INPP4A: variants seen among roughly 807,000 people sequenced by gnomAD.
The protein encoded by INPP4A is inositol polyphosphate-4-phosphatase, type I, 107kD.
A neutral mutation model predicts 119.8 loss-of-function variants in INPP4A; 33 were observed. That is an observed-to-expected ratio of 0.28 (90% CI 0.21 to 0.37). The LOEUF is 0.37. Ranked by LOEUF, INPP4A falls within the 10% of genes least tolerant of loss-of-function variation. INPP4A has a pLI of 1.00. For missense variants in INPP4A, 956 were observed against 1,289.9 expected (o/e 0.74, Z 3.97); for synonymous variants, 496 against 500.7 (o/e 0.99, Z 0.12).
chr2:98,552,624 C>A, intron 13 of INPP4A, 162 bp from the exon 14 acceptor site: 1 of 747,152 alleles, frequency 1.3e-6, no homozygotes. Context: ...GAAGAATCTC[C>A]TAAGATATAC....
chr2:98,475,020 G>A (rs962421577), intron 1 of INPP4A, among the ~76,000 whole-genome samples: 1 of 152,078 alleles, frequency 6.6e-6, no homozygotes, highest in African/African-American at 2.4e-5. Flanking sequence ...AACAGAAAGG[G>A]CCATGTCACA....
chr2:98,493,264 G>A (rs796475273), intron 1 of INPP4A, among the ~76,000 whole-genome samples: 5 of 152,132 alleles, frequency 3.3e-5, no homozygotes, highest in East Asian at 1.9e-4. Context: ...AGCCCCCTAC[G>A]TGTCCAGGGA....
chr2:98,591,689 G>A lies in INPP4A; in HGVS notation c.*4081G>A, dbSNP rs529765975. 2.0e-5 allele frequency: 3 copies of A among 152,376 alleles called. No individual in the cohort carries two copies. Among genetic ancestry groups the A allele is most frequent in the Non-Finnish European group, 2.9e-5 (2 of 68,114 alleles). 9.4% of individuals were successfully genotyped at this position (152,376 alleles called of 1,614,324 possible). ...CCAGATCTAGGGGAGTTGTCCCAGGGAGGCTTTGCGCTGGAGGAAGGTAAG... is the reference window on the plus strand; with the variant it reads ...CCAGATCTAGGGGAGTTGTCCCAGGAAGGCTTTGCGCTGGAGGAAGGTAAG... On this transcript the variant is annotated 3_prime_UTR_variant, in exon 25 of 25. Coordinates refer to ENST00000409851, the MANE Select transcript of INPP4A (RefSeq NM_001134225.2).
intron 1 of INPP4A, among the ~76,000 whole-genome samples, chr2:98,478,233 C>A (rs192943793): frequency 6.6e-6 from 1 of 152,090 alleles, no homozygotes; most frequent in South Asian, 2.1e-4. Flanking sequence ...ACAGTGTCCT[C>A]CCTCCCACCC....
intron 24 of INPP4A, chr2:98,581,750 C>G (rs959858871): frequency 1.2e-6 from 2 of 1,606,370 alleles, no homozygotes; most frequent in Non-Finnish European, 1.7e-6. Context: ...AATTGCGTTG[C>G]AAATGAATAT....
intron 8 of INPP4A, among the ~76,000 whole-genome samples, chr2:98,538,265 CAG>C (rs1180937694): frequency 3.3e-5 from 5 of 152,210 alleles, no homozygotes; most frequent in Non-Finnish European, 7.3e-5. Context: ...GAACTGCAGT[CAG>C]GGGGCAACTT....
At chr2:98,541,171 CA>C (rs1691360313) in intron 10 of INPP4A, among the ~76,000 whole-genome samples, 1 of 151,966 alleles carries the variant, frequency 6.6e-6, no homozygotes. Flanking sequence ...ACTAAAAATA[CA>C]AAAAATTAGC....
At chr2:98,551,141 A>G (rs1297979534) in intron 13 of INPP4A, among the ~76,000 whole-genome samples, 2 of 152,160 alleles carry the variant, frequency 1.3e-5, no homozygotes, top group Non-Finnish European at 2.9e-5. Context: ...TTTTTTTAAA[A>G]GGTGGGGTCT....
chr2:98,549,541 G>T (rs1263899464), intron 13 of INPP4A, among the ~76,000 whole-genome samples: 1 of 152,088 alleles, frequency 6.6e-6, no homozygotes, highest in African/African-American at 2.4e-5. Context: ...AGAAACCACG[G>T]TGTCTGCTGC....
rs1692514670 is a variant in INPP4A at position 98,546,525 on chromosome 2, A to C, written c.1055-61A>C. 1.7e-6 allele frequency: 2 copies of C among 1,188,854 alleles called. No homozygotes were observed. The highest frequency in any genetic ancestry group is 3.0e-5 in the African/African-American group (2 of 66,164). The allele number at this position is 1,188,854 out of a possible 1,614,324, so 73.6% of individuals were successfully genotyped here. Reference sequence around the variant, plus strand: ...ACCCCAGACTTGTGTGCATATCCCTATAGCTGGCTTGTCCACAGGCCTGAG... The same window carrying C: ...ACCCCAGACTTGTGTGCATATCCCTCTAGCTGGCTTGTCCACAGGCCTGAG... On this transcript the variant is annotated intron_variant, in intron 12 of 24. Transcript: ENST00000409851. This position sits in a 1 kb window ranked among gnomAD's most constrained non-coding sequence, Gnocchi z 4.2.
At chr2:98,468,770 C>T (rs1368953251) in intron 1 of INPP4A, among the ~76,000 whole-genome samples, 1 of 152,096 alleles carries the variant, frequency 6.6e-6, no homozygotes, top group African/African-American at 2.4e-5. Context: ...CATTGCTGGA[C>T]CATGAGTTTA....
At chr2:98,463,971 C>A (rs1674175337) in intron 1 of INPP4A, among the ~76,000 whole-genome samples, 1 of 152,220 alleles carries the variant, frequency 6.6e-6, no homozygotes, top group South Asian at 2.1e-4. Flanking sequence ...ACCCAGTGAA[C>A]CTGGCGCTGG....
chr2:98,453,187 T>C (rs1695526600), intron 1 of INPP4A, among the ~76,000 whole-genome samples: 1 of 152,220 alleles, frequency 6.6e-6, no homozygotes, highest in Non-Finnish European at 1.5e-5. Flanking sequence ...GTTTTCAGCT[T>C]TAAAGATTCA....
chr2:98,582,935 G>C (rs953800456), intron 24 of INPP4A, among the ~76,000 whole-genome samples: 5 of 150,932 alleles, frequency 3.3e-5, no homozygotes, highest in Non-Finnish European at 7.4e-5. Context: ...CAAACAGAAA[G>C]ATAACCTCCT....
intron 4 of INPP4A, among the ~76,000 whole-genome samples, chr2:98,530,979 AGATG>A (rs986872385): frequency 2.4e-4 from 36 of 152,252 alleles, no homozygotes; most frequent in African/African-American, 8.7e-4. Context: ...CCTGGTTTGC[AGATG>A]GACGTCGTCT....
intron 1 of INPP4A, among the ~76,000 whole-genome samples, chr2:98,457,280 G>A (rs537500474): frequency 2.0e-5 from 3 of 152,230 alleles, no homozygotes; most frequent in Non-Finnish European, 2.9e-5. Flanking sequence ...TAGCTTAGTG[G>A]CATGCACCTG....
intron 17 of INPP4A, 56 bp from the exon 18 acceptor site, chr2:98,563,409 A>T: frequency 1.6e-5 from 24 of 1,520,748 alleles, no homozygotes; most frequent in Non-Finnish European, 2.2e-5. Flanking sequence ...AAATTGCCAG[A>T]ACCTAATTCT....
At chr2:98,586,666 C>G (rs1699989577) in intron 24 of INPP4A, among the ~76,000 whole-genome samples, 1 of 152,180 alleles carries the variant, frequency 6.6e-6, no homozygotes, top group Non-Finnish European at 1.5e-5. Context: ...TGCTTTTGCC[C>G]CCTGGATTGC....
chr2:98,543,341 C>T (rs186680056), intron 10 of INPP4A, among the ~76,000 whole-genome samples: 66 of 152,276 alleles, frequency 4.3e-4, no homozygotes, highest in African/African-American at 1.4e-3. Flanking sequence ...CTCCCCTATC[C>T]GGGAGGGCAG....
Sources: allele counts gnomAD v4.1 joint callset (sites outside exome capture counted in the v4.1 genomes callset), GRCh38; gene constraint gnomAD v4.1.1; non-coding constraint Gnocchi (gnomAD v3.1); transcripts MANE v1.5; gene names NCBI Gene and HGNC (gene_info 2026-07-23, HGNC 2026-07-21).